CA5B: variants seen among roughly 807,000 people sequenced by gnomAD.
CA5B encodes carbonic anhydrase 5B, also known as carbonic anhydrase 5B, mitochondrial.
CA5B carries 15 observed loss-of-function variants against 23.1 expected under a neutral mutation model. The ratio of observed to expected loss-of-function variants is 0.65; its 90% CI spans 0.43 to 1.00. The LOEUF (loss-of-function observed/expected upper bound fraction) is 1.00, where lower values mean the gene tolerates loss of function less well. CA5B is among the 50% of genes least tolerant of loss of function. The pLI is 0.00. For missense variants in CA5B, 236 were observed against 252.2 expected (o/e 0.94, Z 0.43); for synonymous variants, 84 against 98.5 (o/e 0.85, Z 0.87).
intron 1 of CA5B, among the ~76,000 whole-genome samples, chrX:15,748,712 C>T (rs900384673): frequency 1.2e-5 from 1 of 81,427 alleles, no homozygotes; most frequent in African/African-American, 4.8e-5. Context: ...GTGAGAACCC[C>T]CCCCCCCGCC....
intron 2 of CA5B, among the ~76,000 whole-genome samples, chrX:15,759,177 A>G (rs1931551503): frequency 9.0e-6 from 1 of 111,469 alleles, no homozygotes; most frequent in Non-Finnish European, 1.9e-5. Flanking sequence ...AAAGGGACTA[A>G]GGCAGGAATG....
chrX:15,776,652 G>A (rs1235152033), intron 6 of CA5B, 62 bp from the exon 7 acceptor site: 13 of 946,244 alleles, frequency 1.4e-5, no homozygotes, highest in Admixed American at 4.5e-5. Context: ...TCACCTCGGC[G>A]TCCAATTCCT....
intron 7 of CA5B, among the ~76,000 whole-genome samples, chrX:15,780,043 A>G (rs1428134794): frequency 9.0e-6 from 1 of 111,553 alleles, no homozygotes; most frequent in Non-Finnish European, 1.9e-5. Context: ...TTACGGTAAC[A>G]CTGAAAATTT....
At chrX:15,762,136 G>A (rs1486839110) in intron 2 of CA5B, among the ~76,000 whole-genome samples, 2 of 109,703 alleles carry the variant, frequency 1.8e-5, no homozygotes, top group African/African-American at 3.3e-5. Flanking sequence ...CGGGTGTGGT[G>A]GCATGCGCCT....
chrX:15,758,701 T>G (rs929359799), intron 2 of CA5B, among the ~76,000 whole-genome samples: 1 of 110,813 alleles, frequency 9.0e-6, no homozygotes, highest in African/African-American at 3.3e-5. Flanking sequence ...AGAAATGGTG[T>G]CTCCCCATGT....
At position 15,782,718 on chromosome X, in the gene CA5B, T is replaced by G. The variant is rs993840360; in HGVS notation, c.*54T>G. 6 of 915,905 alleles carry G rather than the reference T, an allele frequency of 6.6e-6. No homozygotes were observed. The African/African-American group carries it at 1.2e-4, about 18-fold the overall frequency. The allele number at this position is 915,905 out of a possible 1,213,427, so 75.5% of individuals were successfully genotyped here. A position where few individuals can be genotyped will look rare whatever the true frequency, so the allele number is the denominator to read the frequency against. ...TTTGCTTTAATATATACTAGCTTAC[T>G]ATAAATTGTTAACTAGACTATTCTA... On this transcript the variant is annotated 3_prime_UTR_variant, in exon 8 of 8. Coordinates refer to ENST00000318636, the MANE Select transcript of CA5B (RefSeq NM_007220.4).
At chrX:15,778,697 A>G (rs140333660) in intron 7 of CA5B, among the ~76,000 whole-genome samples, 28 of 111,873 alleles carry the variant, frequency 2.5e-4, no homozygotes, top group Non-Finnish European at 4.3e-4. Context: ...CAGGAAACTT[A>G]AAATCATGGC....
intron 7 of CA5B, among the ~76,000 whole-genome samples, chrX:15,777,886 C>T (rs948196673): frequency 4.5e-5 from 5 of 111,347 alleles, no homozygotes; most frequent in African/African-American, 1.6e-4. Flanking sequence ...GGATTGTTAC[C>T]GTATTAAGTT....
rs1159687216 is a variant in CA5B, at chrX:15,764,744, C to T, written c.309C>T (p.Leu103=). Residue 103 remains leucine, a synonymous_variant, in exon 3 of 8, where the codon CTC becomes CTT. Coordinates refer to ENST00000318636, the MANE Select transcript of CA5B (RefSeq NM_007220.4). ...LHVWNNGYSF[L]VEFEDSTDKS... ...TCTGGAATAATGGGTACTCTTTCCT[C>T]GTGGAATTTGAAGATTCTACAGATA... is the stretch of plus-strand genomic sequence containing the variant. 1 of 1,153,533 alleles carries T rather than the reference C, an allele frequency of 8.7e-7. No individual in the cohort carries two copies. The highest frequency in any genetic ancestry group is 1.2e-6 in the Non-Finnish European group (1 of 858,455).
At chrX:15,755,357 A>G (rs62578955) in intron 2 of CA5B, among the ~76,000 whole-genome samples, 36,498 of 111,003 alleles carry the variant, frequency 0.33, 5,830 homozygotes, top group Non-Finnish European at 0.49. Flanking sequence ...TGGACTCAGC[A>G]TCCAAGTTCC....
At position 15,783,576 on chromosome X, in the gene CA5B, G is replaced by C. The variant is rs1211546887; in HGVS notation, c.*912G>C. Reference sequence around the variant, plus strand: ...GGAGGCTGAGGCGGGTAGCTCACTTGAGGTCAGGAGTTTGAGACCAGCCTG... The same window carrying C: ...GGAGGCTGAGGCGGGTAGCTCACTTCAGGTCAGGAGTTTGAGACCAGCCTG... On this transcript the variant is annotated 3_prime_UTR_variant, in exon 8 of 8. Transcript: ENST00000318636. 1.8e-5 allele frequency: 2 copies of C among 110,049 alleles called. No individual in the cohort carries two copies. The highest frequency in any genetic ancestry group is 5.8e-4 in the East Asian group (2 of 3,452). The allele number at this position is 110,049 out of a possible 1,213,427, so 9.1% of individuals were successfully genotyped here. A position where few individuals can be genotyped will look rare whatever the true frequency, so the allele number is the denominator to read the frequency against.
At position 15,774,355 on chromosome X, in the gene CA5B, A is replaced by G; in HGVS notation, c.513A>G (p.Ala171=). The change falls in exon 5 of 8, where the codon GCA becomes GCG. Residue 171 remains alanine (A), a synonymous_variant. Transcript: ENST00000318636. ...GATTTGAAAACTTTGAGGATGCAGC[A>G]CTGGAAGAAAATGGTTTGGCTGTGA... ...AVRFENFEDA[A]LEENGLAVIG... 2 of 1,209,622 alleles carry G rather than the reference A, an allele frequency of 1.7e-6. No individual in the cohort carries two copies. The highest frequency in any genetic ancestry group is 2.2e-6 in the Non-Finnish European group (2 of 894,479).
At chrX:15,759,484 C>T (rs1039444559) in intron 2 of CA5B, among the ~76,000 whole-genome samples, 2 of 111,597 alleles carry the variant, frequency 1.8e-5, no homozygotes, top group African/African-American at 6.5e-5. Context: ...CCTTGCCGGA[C>T]ACCCAGTCTG....
rs752242327 is a variant in CA5B, at chrX:15,752,618, A to G, written c.142+2453A>G. On this transcript the variant is annotated intron_variant, in intron 2 of 7. Coordinates refer to ENST00000318636, the MANE Select transcript of CA5B (RefSeq NM_007220.4). ...TGGGCGCCTGCAGTCCCAGCTACTA[A>G]GGATGCTGAGGCATGAGAATGGCGT... Among the ~76,000 whole-genome samples, 52 of 110,747 alleles carry G rather than the reference A, an allele frequency of 4.7e-4. No homozygotes were observed. The East Asian group carries it at 5.4e-3, about 12-fold the overall frequency.
chrX:15,753,428 G>A (rs1237639248), intron 2 of CA5B, among the ~76,000 whole-genome samples: 2 of 111,973 alleles, frequency 1.8e-5, no homozygotes, highest in Non-Finnish European at 3.8e-5. Flanking sequence ...TTATGTAGAT[G>A]AAGCCTCCCA....
chrX:15,755,545 G>A (rs1931470739), intron 2 of CA5B, among the ~76,000 whole-genome samples: 1 of 112,527 alleles, frequency 8.9e-6, no homozygotes, highest in Non-Finnish European at 1.9e-5. Flanking sequence ...GCAGTGCATA[G>A]CAAGGGACCA....
At chrX:15,752,851 A>G (rs62578954) in intron 2 of CA5B, among the ~76,000 whole-genome samples, 35,871 of 111,064 alleles carry the variant, frequency 0.32, 5,601 homozygotes, top group Non-Finnish European at 0.48. Context: ...GGCAGCTACT[A>G]TAAGACTTCA....
At position 15,786,389 on chromosome X, in the gene CA5B, C is replaced by G. The variant is rs1410817551; in HGVS notation, c.*3725C>G. 9.0e-6 allele frequency: 1 copy of G among 111,268 alleles called. No individual in the cohort carries two copies. Among genetic ancestry groups the G allele is most frequent in the African/African-American group, 3.3e-5 (1 of 30,536 alleles). 9.2% of individuals were successfully genotyped at this position (111,268 alleles called of 1,213,427 possible). ...GAAACTGACTTGAGGCAGTTTCTTT[C>G]TCCATGCCTTAGTTAGATGACCCTC... On this transcript the variant is annotated 3_prime_UTR_variant, in exon 8 of 8. Transcript: ENST00000318636.
chrX:15,740,599 A>T (rs143347458), intron 1 of CA5B, among the ~76,000 whole-genome samples: 77 of 112,049 alleles, frequency 6.9e-4, no homozygotes, highest in African/African-American at 2.3e-3. Flanking sequence ...AGCATCCTTC[A>T]TGGCTCCTTT....
Sources: allele counts gnomAD v4.1 joint callset (sites outside exome capture counted in the v4.1 genomes callset), GRCh38; gene constraint gnomAD v4.1.1; transcripts MANE v1.5; gene names NCBI Gene and HGNC (gene_info 2026-07-23, HGNC 2026-07-21).